The following ANO10 variants were observed in gnomAD, a reference collection of about 807,000 sequenced individuals.
ANO10 encodes the protein anoctamin-10.
ANO10 carries 77 observed loss-of-function variants against 74.7 expected under a neutral mutation model. That is an observed-to-expected ratio of 1.03 (90% confidence interval 0.86 to 1.25). The LOEUF (loss-of-function observed/expected upper bound fraction) is 1.25. Ranked by LOEUF, ANO10 falls within the 50% of genes most tolerant of loss-of-function variation. The pLI is 0.00. For missense variants in ANO10, 721 were observed against 778.1 expected (o/e 0.93, Z 0.87); for synonymous variants, 279 against 284.9 (o/e 0.98, Z 0.21).
intron 11 of ANO10, among the ~76,000 whole-genome samples, chr3:43,507,407 AC>A (rs1453107158): frequency 1.3e-5 from 2 of 152,074 alleles, no homozygotes; most frequent in Non-Finnish European, 2.9e-5. Flanking sequence ...CACAATCCTC[AC>A]CCAGGGCTGC....
intron 11 of ANO10, among the ~76,000 whole-genome samples, chr3:43,507,167 A>G (rs10510737): frequency 0.15 from 22,187 of 152,108 alleles, 2,042 homozygotes; most frequent in African/African-American, 0.25. Context: ...CCAAGAGTTG[A>G]TAAGTACATT....
chr3:43,519,787 T>C (rs950422877), intron 11 of ANO10, among the ~76,000 whole-genome samples: 4 of 152,186 alleles, frequency 2.6e-5, no homozygotes, highest in Admixed American at 2.6e-4. Context: ...GGCATATTTT[T>C]TGCAAGCAAG....
chr3:43,566,870 C>G (rs545277265), intron 7 of ANO10, among the ~76,000 whole-genome samples: 1 of 152,032 alleles, frequency 6.6e-6, no homozygotes, highest in Non-Finnish European at 1.5e-5. Context: ...AGGCTTCAGA[C>G]GATCAAATTA....
At chr3:43,548,043 A>C (rs2079278938) in intron 11 of ANO10, among the ~76,000 whole-genome samples, 1 of 151,634 alleles carries the variant, frequency 6.6e-6, no homozygotes, top group African/African-American at 2.4e-5. Flanking sequence ...CTCTTGTTCT[A>C]AATTTACCAA....
intron 12 of ANO10, among the ~76,000 whole-genome samples, chr3:43,386,653 G>GTGTA (rs2092128225): frequency 7.6e-6 from 1 of 131,424 alleles, no homozygotes; most frequent in Non-Finnish European, 1.8e-5. Flanking sequence ...GTGTACGTGT[G>GTGTA]TGTGTGTGTG....
intron 11 of ANO10, among the ~76,000 whole-genome samples, chr3:43,467,741 T>C (rs543921153): frequency 5.4e-4 from 83 of 152,320 alleles, no homozygotes; most frequent in African/African-American, 1.9e-3. Context: ...TGTATGTAAA[T>C]TATACTTCAA....
At chr3:43,543,453 G>A (rs548099088) in intron 11 of ANO10, among the ~76,000 whole-genome samples, 1 of 152,146 alleles carries the variant, frequency 6.6e-6, no homozygotes, top group East Asian at 1.9e-4. Context: ...GCAGTGGCCG[G>A]ATCTCAGCTC....
At chr3:43,406,665 A>G (rs1170054292) in intron 12 of ANO10, among the ~76,000 whole-genome samples, 1 of 152,196 alleles carries the variant, frequency 6.6e-6, no homozygotes, top group Non-Finnish European at 1.5e-5. Context: ...TTTCTACCCT[A>G]GTTACCCACA....
intron 11 of ANO10, among the ~76,000 whole-genome samples, chr3:43,524,086 G>A (rs986689920): frequency 3.3e-5 from 5 of 152,162 alleles, no homozygotes; most frequent in Non-Finnish European, 7.3e-5. Context: ...CCACGGAGAT[G>A]AGCAGATGAG....
intron 11 of ANO10, among the ~76,000 whole-genome samples, chr3:43,464,312 T>C (rs1377775149): frequency 1.3e-5 from 2 of 152,122 alleles, no homozygotes; most frequent in Non-Finnish European, 2.9e-5. Context: ...AGACGTAAAA[T>C]TCTTTAGCAA....
intron 1 of ANO10, among the ~76,000 whole-genome samples, chr3:43,679,081 CGGACAGTGGGTGCA>C (rs988548084): frequency 1.3e-5 from 2 of 152,212 alleles, no homozygotes; most frequent in Non-Finnish European, 1.5e-5. Context: ...TGGGGAGTGT[CGGACAGTGGGTGCA>C]GGACAGTGGG....
intron 12 of ANO10, among the ~76,000 whole-genome samples, chr3:43,377,501 G>A (rs2091841372): frequency 6.6e-6 from 1 of 152,164 alleles, no homozygotes; most frequent in African/African-American, 2.4e-5. Context: ...AAGGAGGGCG[G>A]CAGCATTGTT....
At chr3:43,500,618 A>C (rs904286660) in intron 11 of ANO10, among the ~76,000 whole-genome samples, 1 of 152,204 alleles carries the variant, frequency 6.6e-6, no homozygotes, top group South Asian at 2.1e-4. Context: ...TGGTGGTATG[A>C]TCTCTTAAGC....
chr3:43,534,322 AATGTT>A (rs1455501126), intron 11 of ANO10, among the ~76,000 whole-genome samples: 1 of 152,216 alleles, frequency 6.6e-6, no homozygotes, highest in East Asian at 1.9e-4. Flanking sequence ...AATTTGATTA[AATGTT>A]ACATTTTAGA....
upstream of ANO10, among the ~76,000 whole-genome samples, chr3:43,624,827 A>AT (rs565248099): frequency 2.0e-5 from 3 of 152,350 alleles, no homozygotes; most frequent in East Asian, 5.8e-4. Context: ...GATACTCAGA[A>AT]TGGCACACAA....
At chr3:43,458,717 T>C (rs542467918) in intron 11 of ANO10, among the ~76,000 whole-genome samples, 2 of 152,330 alleles carry the variant, frequency 1.3e-5, no homozygotes, top group African/African-American at 4.8e-5. Context: ...GGTATACATG[T>C]GCCATGGTGG....
chr3:43,386,865 C>A (rs1170285545), intron 12 of ANO10, among the ~76,000 whole-genome samples: 2 of 152,036 alleles, frequency 1.3e-5, no homozygotes, highest in Non-Finnish European at 2.9e-5. Context: ...AAGGGTGGGG[C>A]TTTCCTAGGG....
intron 11 of ANO10, among the ~76,000 whole-genome samples, chr3:43,442,961 AAATGTGTGCCTC>A (rs760829999): frequency 6.7e-4 from 102 of 152,340 alleles, no homozygotes; most frequent in Non-Finnish European, 1.4e-3. Context: ...AAGCATCACA[AAATGTGTGCCTC>A]AATAACATAA....
intron 11 of ANO10, among the ~76,000 whole-genome samples, chr3:43,517,814 A>G (rs576958590): frequency 1.3e-5 from 2 of 152,292 alleles, no homozygotes; most frequent in South Asian, 4.1e-4. Flanking sequence ...TACCTTGGTT[A>G]ACAGGATAAG....
Sources: gnomAD v4.1 joint callset for allele counts (sites outside exome capture counted in the v4.1 genomes callset) on GRCh38, gnomAD v4.1.1 for gene constraint, MANE v1.5 for transcripts, NCBI Gene and HGNC (gene_info 2026-07-23, HGNC 2026-07-21) for gene names.